LCLAT1: variants seen among roughly 807,000 people sequenced by gnomAD.
The protein encoded by LCLAT1 is 1-AGP acyltransferase 8.
Under a neutral mutation model 30.7 loss-of-function variants are expected in LCLAT1, and 11 were observed. That is an observed-to-expected ratio of 0.36 (90% CI 0.23 to 0.59). The LOEUF (loss-of-function observed/expected upper bound fraction) is 0.59, where lower values mean the gene tolerates loss of function less well. LCLAT1 is among the 20% of genes least tolerant of loss of function. The pLI, the probability that LCLAT1 is intolerant of heterozygous loss-of-function variation, is 0.77. For missense variants in LCLAT1, 402 were observed against 458.6 expected, an observed-to-expected ratio of 0.88 and a Z score of 1.13; for synonymous variants, 155 against 151.3, an observed-to-expected ratio of 1.02 and a Z score of -0.18.
At chr2:30,451,556 T>A (rs1681549682) in intron 1 of LCLAT1, among the ~76,000 whole-genome samples, 1 of 151,802 alleles carries the variant, frequency 6.6e-6, no homozygotes, top group Admixed American at 6.6e-5. Context: ...GATGAAACAC[T>A]GCAGAACCTA....
intron 3 of LCLAT1, among the ~76,000 whole-genome samples, chr2:30,538,453 C>G (rs1167161071): frequency 6.6e-6 from 1 of 151,856 alleles, no homozygotes; most frequent in East Asian, 1.9e-4. Context: ...ACCAGCCTGG[C>G]CAACATGATG....
At chr2:30,491,783 T>C (rs1683842185) in intron 1 of LCLAT1, among the ~76,000 whole-genome samples, 2 of 152,176 alleles carry the variant, frequency 1.3e-5, no homozygotes, top group African/African-American at 2.4e-5. Flanking sequence ...CTCCACAACT[T>C]TTGTAAGTTA....
chr2:30,519,202 A>G (rs1231783807), intron 1 of LCLAT1, among the ~76,000 whole-genome samples: 1 of 152,140 alleles, frequency 6.6e-6, no homozygotes, highest in Non-Finnish European at 1.5e-5. Context: ...CAGGCCATAC[A>G]TTTCAATCCC....
intron 5 of LCLAT1, among the ~76,000 whole-genome samples, chr2:30,591,828 A>G (rs1023619957): frequency 3.9e-5 from 6 of 152,130 alleles, no homozygotes; most frequent in Admixed American, 6.5e-5. Flanking sequence ...CTGAATACCT[A>G]TACACCTTGA....
intron 5 of LCLAT1, among the ~76,000 whole-genome samples, chr2:30,600,180 T>G (rs980506269): frequency 6.6e-6 from 1 of 152,090 alleles, no homozygotes; most frequent in Non-Finnish European, 1.5e-5. Flanking sequence ...GAAGCTTAAG[T>G]TTGGTCTAGA....
intron 1 of LCLAT1, among the ~76,000 whole-genome samples, chr2:30,502,754 T>C (rs1003991329): frequency 6.6e-6 from 1 of 152,188 alleles, no homozygotes. Context: ...ATACCACTTT[T>C]GTTTATCCGT....
At chr2:30,496,904 A>G (rs1262225029) in intron 1 of LCLAT1, among the ~76,000 whole-genome samples, 1 of 152,080 alleles carries the variant, frequency 6.6e-6, no homozygotes. Context: ...AAACTTCTCT[A>G]CTTTAGCTCT....
intron 3 of LCLAT1, among the ~76,000 whole-genome samples, chr2:30,553,763 C>T (rs1253047680): frequency 6.6e-6 from 1 of 151,558 alleles, no homozygotes; most frequent in African/African-American, 2.4e-5. Flanking sequence ...TGCAGTGAGC[C>T]GAGATTGCGC....
intron 5 of LCLAT1, among the ~76,000 whole-genome samples, chr2:30,618,662 A>G (rs1382102449): frequency 6.6e-6 from 1 of 152,192 alleles, no homozygotes; most frequent in African/African-American, 2.4e-5. Context: ...CTCATGACGT[A>G]TGTTTACCTA....
chr2:30,460,658 T>C (rs1477070592), intron 1 of LCLAT1, among the ~76,000 whole-genome samples: 3 of 152,016 alleles, frequency 2.0e-5, no homozygotes, highest in Admixed American at 6.5e-5. Context: ...ATAACAAGAG[T>C]CTCTTTTGAC....
At chr2:30,585,985 C>T (rs1246370339) in intron 5 of LCLAT1, among the ~76,000 whole-genome samples, 2 of 152,216 alleles carry the variant, frequency 1.3e-5, no homozygotes, top group African/African-American at 2.4e-5. Context: ...GGCGTGGTGG[C>T]TCACGCCTGT....
intron 1 of LCLAT1, among the ~76,000 whole-genome samples, chr2:30,451,688 A>G (rs868468808): frequency 0.014 from 1,627 of 116,492 alleles, 4 homozygotes; most frequent in African/African-American, 0.056. Context: ...TTATAAGATG[A>G]AACACTGCAG....
intron 1 of LCLAT1, among the ~76,000 whole-genome samples, chr2:30,458,418 G>A (rs1681939531): frequency 1.3e-5 from 2 of 152,138 alleles, no homozygotes; most frequent in South Asian, 4.1e-4. Context: ...GGTAGATTTG[G>A]GCATGCTCCT....
intron 1 of LCLAT1, among the ~76,000 whole-genome samples, chr2:30,518,234 C>A (rs545953145): frequency 2.6e-5 from 4 of 152,138 alleles, no homozygotes; most frequent in African/African-American, 7.2e-5. Context: ...GATTTCCTAA[C>A]GGGATTTAAA....
At chr2:30,600,979 T>C (rs961542155) in intron 5 of LCLAT1, among the ~76,000 whole-genome samples, 2 of 124,258 alleles carry the variant, frequency 1.6e-5, no homozygotes, top group African/African-American at 6.0e-5. Flanking sequence ...GTTTTGTTCA[T>C]TTCTTTTAAT....
chr2:30,572,970 G>A (rs990659070), intron 5 of LCLAT1, among the ~76,000 whole-genome samples: 1 of 148,760 alleles, frequency 6.7e-6, no homozygotes, highest in Non-Finnish European at 1.5e-5. Flanking sequence ...TGGTTCGATC[G>A]TTTTCTTTCT....
chr2:30,596,493 T>C (rs1666935226), intron 5 of LCLAT1, among the ~76,000 whole-genome samples: 1 of 152,034 alleles, frequency 6.6e-6, no homozygotes, highest in African/African-American at 2.4e-5. Flanking sequence ...TGGGGTTGTT[T>C]TTTTTTTCTT....
At chr2:30,633,984 G>A (rs1339282946) in intron 5 of LCLAT1, among the ~76,000 whole-genome samples, 1 of 152,194 alleles carries the variant, frequency 6.6e-6, no homozygotes, top group Non-Finnish European at 1.5e-5. Flanking sequence ...TCTTATAATA[G>A]TCGTGGGCTC....
intron 3 of LCLAT1, among the ~76,000 whole-genome samples, chr2:30,541,651 T>G (rs1171904200): frequency 1.3e-5 from 2 of 152,226 alleles, no homozygotes; most frequent in Admixed American, 1.3e-4. Flanking sequence ...ACCTTTATAT[T>G]ACTTTTAATG....
Sources: gnomAD v4.1 joint callset for allele counts (sites outside exome capture counted in the v4.1 genomes callset) on GRCh38, gnomAD v4.1.1 for gene constraint, MANE v1.5 for transcripts, NCBI Gene and HGNC (gene_info 2026-07-23, HGNC 2026-07-21) for gene names.